FBXL7: variants seen among roughly 807,000 people sequenced by gnomAD.
FBXL7 encodes the protein F-box and leucine rich repeat protein 7.
A neutral mutation model predicts 38.3 loss-of-function variants in FBXL7; 12 were observed. The ratio of observed to expected loss-of-function variants is 0.31; its 90% CI spans 0.20 to 0.51. FBXL7 has a LOEUF of 0.51. Ranked by LOEUF, FBXL7 falls within the 20% of genes least tolerant of loss-of-function variation. The pLI is 0.98. For missense variants in FBXL7, 567 were observed against 676.4 expected, an observed-to-expected ratio of 0.84 and a Z score of 1.79; for synonymous variants, 297 against 300.9, an observed-to-expected ratio of 0.99 and a Z score of 0.13.
chr5:15,781,521 T>A (rs945102550), intron 2 of FBXL7, among the ~76,000 whole-genome samples: 2 of 152,012 alleles, frequency 1.3e-5, no homozygotes, highest in African/African-American at 2.4e-5. Flanking sequence ...AAGAAGCCAG[T>A]GTCAGTGCCT....
At chr5:15,837,376 G>A (rs1035301883) in intron 2 of FBXL7, among the ~76,000 whole-genome samples, 5 of 152,114 alleles carry the variant, frequency 3.3e-5, no homozygotes, top group Admixed American at 3.3e-4. Flanking sequence ...CATTTTAAGG[G>A]ATCTGAGCCA....
At chr5:15,848,180 G>A (rs565761718) in intron 2 of FBXL7, among the ~76,000 whole-genome samples, 1 of 152,074 alleles carries the variant, frequency 6.6e-6, no homozygotes, top group East Asian at 1.9e-4. Context: ...GTACATTGTT[G>A]TATGTACAAT....
chr5:15,873,376 T>C (rs1008565680), intron 2 of FBXL7, among the ~76,000 whole-genome samples: 1 of 151,502 alleles, frequency 6.6e-6, no homozygotes, highest in Non-Finnish European at 1.5e-5. Flanking sequence ...AGCAAACAAA[T>C]TCAAAAGCCA....
chr5:15,827,580 G>A lies in FBXL7; in HGVS notation c.128-100310G>A, dbSNP rs750600275. The stretch of plus-strand genomic sequence containing the variant: ...CCTTCTTGATATGTCATCATATGGC[G>A]AAAGGCAGCAGAGTGAGAGAAAGAG... On this transcript the variant is annotated intron_variant, in intron 2 of 3. Coordinates refer to ENST00000504595, the MANE Select transcript of FBXL7 (RefSeq NM_012304.5). 8.5e-5 allele frequency among the ~76,000 whole-genome samples: 13 copies of A among 152,208 alleles called. No individual in the cohort carries two copies. In the East Asian group the frequency reaches 1.7e-3, roughly 20 times the overall value.
rs540176773 is a variant in FBXL7, at chr5:15,622,750, G to GC, written c.127+6679dup. On this transcript the variant is annotated intron_variant, in intron 2 of 3. Coordinates refer to ENST00000504595, the MANE Select transcript of FBXL7 (RefSeq NM_012304.5). ...GATGGAGTCTTACTCTGTCATCCAG[G>GC]CTGAGGTGCAGTTGCATGATCTCGG... Among the ~76,000 whole-genome samples the GC allele has an allele frequency of 1.8e-3, 274 of 152,248 alleles. 2 individuals carry two copies. The highest frequency in any genetic ancestry group is 6.4e-3 in the African/African-American group (266 of 41,538).
chr5:15,888,120 G>A (rs1168878233), intron 2 of FBXL7, among the ~76,000 whole-genome samples: 3 of 152,108 alleles, frequency 2.0e-5, no homozygotes, highest in Non-Finnish European at 4.4e-5. Context: ...CTATCATCCA[G>A]GAAATTGTCA....
At position 15,813,578 on chromosome 5, in the gene FBXL7, G is replaced by A. The variant is rs575789092; in HGVS notation, c.128-114312G>A. Among the ~76,000 whole-genome samples the A allele has an allele frequency of 2.0e-5, 3 of 152,250 alleles. No individual in the cohort carries two copies. The South Asian group carries it at 6.2e-4, about 32-fold the overall frequency. On this transcript the variant is annotated intron_variant, in intron 2 of 3. Coordinates refer to ENST00000504595, the MANE Select transcript of FBXL7 (RefSeq NM_012304.5). ...AACAAAAGCCAAAATTGACAAATGG[G>A]ATCTAATTAAACTAAAGAGCTTCTG...
intron 2 of FBXL7, among the ~76,000 whole-genome samples, chr5:15,820,259 G>T (rs905473502): frequency 2.0e-5 from 3 of 152,104 alleles, no homozygotes; most frequent in Non-Finnish European, 2.9e-5. Flanking sequence ...CTCCAGCCTT[G>T]CTCTGGCTCT....
chr5:15,534,874 T>G (rs1310985319), intron 1 of FBXL7, among the ~76,000 whole-genome samples: 2 of 152,240 alleles, frequency 1.3e-5, no homozygotes, highest in Non-Finnish European at 2.9e-5. Flanking sequence ...GGTTGTGGTA[T>G]GGTTTGGCTC....
intron 2 of FBXL7, among the ~76,000 whole-genome samples, chr5:15,895,672 C>T (rs1418404135): frequency 2.5e-5 from 3 of 118,000 alleles, no homozygotes; most frequent in Admixed American, 1.2e-4. Flanking sequence ...GATGGAGTCT[C>T]GCTCTGTTGC....
intron 2 of FBXL7, among the ~76,000 whole-genome samples, chr5:15,630,029 G>GT (rs1740947598): frequency 6.6e-6 from 1 of 152,098 alleles, no homozygotes; most frequent in East Asian, 1.9e-4. Flanking sequence ...ACAACTTTAA[G>GT]CAGAATAGAT....
At chr5:15,783,900 C>T (rs1737066546) in intron 2 of FBXL7, among the ~76,000 whole-genome samples, 1 of 152,156 alleles carries the variant, frequency 6.6e-6, no homozygotes, top group African/African-American at 2.4e-5. Context: ...TCACAGATCT[C>T]ACAGGAAACT....
At chr5:15,780,736 T>A (rs1184706421) in intron 2 of FBXL7, among the ~76,000 whole-genome samples, 2 of 152,184 alleles carry the variant, frequency 1.3e-5, no homozygotes, top group Non-Finnish European at 2.9e-5. Flanking sequence ...TTACTCAACC[T>A]AAATTAATGC....
intron 2 of FBXL7, among the ~76,000 whole-genome samples, chr5:15,678,930 A>C (rs1430404093): frequency 6.6e-6 from 1 of 152,224 alleles, no homozygotes; most frequent in Non-Finnish European, 1.5e-5. Context: ...GTCGAAGAAC[A>C]AAAGTGCATT....
intron 1 of FBXL7, among the ~76,000 whole-genome samples, chr5:15,510,828 A>G (rs1437225918): frequency 6.6e-6 from 1 of 152,204 alleles, no homozygotes; most frequent in Admixed American, 6.5e-5. Context: ...TTGCTCCCAG[A>G]GCACCTTAAG....
At chr5:15,568,726 TAAC>T (rs1738670971) in intron 1 of FBXL7, among the ~76,000 whole-genome samples, 1 of 152,228 alleles carries the variant, frequency 6.6e-6, no homozygotes, top group Non-Finnish European at 1.5e-5. Flanking sequence ...GTTTCAGGTC[TAAC>T]ATTTAAGTCT....
chr5:15,808,541 AG>A (rs1220675831), intron 2 of FBXL7, among the ~76,000 whole-genome samples: 4 of 152,284 alleles, frequency 2.6e-5, no homozygotes, highest in African/African-American at 9.6e-5. Flanking sequence ...CAAGTTTTTG[AG>A]TACCTAGTAG....
chr5:15,569,264 C>A (rs1354684797), intron 1 of FBXL7, among the ~76,000 whole-genome samples: 1 of 151,176 alleles, frequency 6.6e-6, no homozygotes, highest in Non-Finnish European at 1.5e-5. Context: ...CTTTTATTTC[C>A]TTGAGCAGTG....
chr5:15,788,871 TGAA>T (rs1737200959), intron 2 of FBXL7, among the ~76,000 whole-genome samples: 1 of 149,500 alleles, frequency 6.7e-6, no homozygotes, highest in South Asian at 2.1e-4. Context: ...TTTTTTTTTT[TGAA>T]GGAGTCTTGC....
Sources: gnomAD v4.1 joint callset for allele counts (sites outside exome capture counted in the v4.1 genomes callset) on GRCh38, gnomAD v4.1.1 for gene constraint, MANE v1.5 for transcripts, NCBI Gene and HGNC (gene_info 2026-07-23, HGNC 2026-07-21) for gene names.